The following GRM8 variants were observed in gnomAD, a reference collection of about 807,000 sequenced individuals.
GRM8 encodes the protein glutamate metabotropic receptor 8.
A neutral mutation model predicts 87.2 loss-of-function variants in GRM8; 47 were observed. The observed-to-expected ratio is 0.54, with a 90% confidence interval of 0.43 to 0.69. The LOEUF is 0.69. Ranked by LOEUF, GRM8 falls within the 30% of genes least tolerant of loss-of-function variation. The pLI is 0.00. For synonymous variants in GRM8, 396 were observed against 404.5 expected (o/e 0.98, Z 0.25); for missense variants, 1,019 against 1,139.2 (o/e 0.89, Z 1.52).
At chr7:126,507,608 T>G (rs550724231) in intron 9 of GRM8, among the ~76,000 whole-genome samples, 1 of 152,106 alleles carries the variant, frequency 6.6e-6, no homozygotes, top group African/African-American at 2.4e-5. Context: ...TTACTGGTAC[T>G]TTTTTCTGTC....
intron 3 of GRM8, among the ~76,000 whole-genome samples, chr7:126,953,227 CG>C (rs1159520953): frequency 1.3e-5 from 2 of 151,994 alleles, no homozygotes; most frequent in Non-Finnish European, 2.9e-5. Flanking sequence ...AAAATTATAC[CG>C]GGGAAACCAC....
intron 3 of GRM8, among the ~76,000 whole-genome samples, chr7:127,081,209 C>G (rs1049932252): frequency 6.6e-6 from 1 of 152,154 alleles, no homozygotes; most frequent in Non-Finnish European, 1.5e-5. Context: ...TTTCCCCCAC[C>G]TGCCTCCACC....
chr7:126,629,488 G>A (rs1382011338), intron 7 of GRM8, among the ~76,000 whole-genome samples: 1 of 151,884 alleles, frequency 6.6e-6, no homozygotes, highest in East Asian at 1.9e-4. Flanking sequence ...GTTTGAATAA[G>A]GTATAGTCTT....
chr7:126,540,673 A>C (rs1272720358), intron 8 of GRM8, among the ~76,000 whole-genome samples: 1 of 152,204 alleles, frequency 6.6e-6, no homozygotes, highest in Admixed American at 6.5e-5. Flanking sequence ...AAATGAAAGC[A>C]GCTAATCACA....
At chr7:127,089,349 C>G (rs1258429455) in intron 3 of GRM8, among the ~76,000 whole-genome samples, 2 of 152,174 alleles carry the variant, frequency 1.3e-5, no homozygotes, top group African/African-American at 2.4e-5. Flanking sequence ...CTGCCTACAC[C>G]TTGATTTTGG....
intron 2 of GRM8, among the ~76,000 whole-genome samples, chr7:127,213,627 C>T (rs1796351364): frequency 1.3e-5 from 2 of 152,168 alleles, no homozygotes; most frequent in South Asian, 4.1e-4. Context: ...ATCTCCTTTT[C>T]TATCCTTTTG....
At chr7:126,572,034 C>T (rs1794733352) in intron 8 of GRM8, among the ~76,000 whole-genome samples, 2 of 152,140 alleles carry the variant, frequency 1.3e-5, no homozygotes, top group South Asian at 2.1e-4. Flanking sequence ...AGCCACCACA[C>T]CTGGCCCCAG....
At chr7:126,732,107 T>C (rs1239677170) in intron 7 of GRM8, among the ~76,000 whole-genome samples, 1 of 152,088 alleles carries the variant, frequency 6.6e-6, no homozygotes, top group African/African-American at 2.4e-5. Context: ...TTATTTCTTG[T>C]ATACAGTCAT....
chr7:126,989,831 G>A (rs1042680387), intron 3 of GRM8, among the ~76,000 whole-genome samples: 4 of 152,032 alleles, frequency 2.6e-5, no homozygotes, highest in East Asian at 1.9e-4. Context: ...GCATGGTGGT[G>A]CGTGCCTGTG....
In GRM8 at chr7:126,703,796, A is replaced by C. The variant is rs553920673; in HGVS notation, c.1357+66069T>G. The stretch of plus-strand genomic sequence containing the variant: ...AGTCTGGTCTCAAACTCTTGGGCTC[A>C]AGCAATCCTCCAGCCTTGGCCCCCC... On this transcript the variant is annotated intron_variant, in intron 7 of 10. Transcript: ENST00000339582. 3.3e-5 allele frequency among the ~76,000 whole-genome samples: 5 copies of C among 152,262 alleles called. No individual in the cohort carries two copies. In the South Asian group the frequency reaches 1.0e-3, roughly 32 times the overall value.
chr7:126,946,136 G>A (rs940022094), intron 3 of GRM8, among the ~76,000 whole-genome samples: 2 of 152,198 alleles, frequency 1.3e-5, no homozygotes, highest in African/African-American at 2.4e-5. Context: ...CAACTACAAG[G>A]TTAGGTCTCA....
chr7:126,875,396 C>A (rs1381721084), intron 6 of GRM8, among the ~76,000 whole-genome samples: 1 of 151,964 alleles, frequency 6.6e-6, no homozygotes, highest in African/African-American at 2.4e-5. Flanking sequence ...TTTGGGATAC[C>A]CACAGAAGGG....
chr7:127,116,569 C>T (rs1308392439), intron 2 of GRM8, among the ~76,000 whole-genome samples: 4 of 152,126 alleles, frequency 2.6e-5, no homozygotes, highest in African/African-American at 9.7e-5. Context: ...ATGAACCTGC[C>T]GCTAAGAGTT....
intron 3 of GRM8, among the ~76,000 whole-genome samples, chr7:127,002,576 C>T (rs538220404): frequency 2.0e-5 from 3 of 151,708 alleles, no homozygotes; most frequent in South Asian, 2.1e-4. Context: ...GGCTAGCTCT[C>T]GAAGTATAAT....
intron 9 of GRM8, among the ~76,000 whole-genome samples, chr7:126,521,889 A>C (rs1813037402): frequency 6.6e-6 from 1 of 152,164 alleles, no homozygotes; most frequent in Non-Finnish European, 1.5e-5. Flanking sequence ...ATTATTTAGC[A>C]GATTTGTTTA....
chr7:127,162,696 T>A (rs1326919039), intron 2 of GRM8, among the ~76,000 whole-genome samples: 5 of 152,194 alleles, frequency 3.3e-5, no homozygotes, highest in African/African-American at 4.8e-5. Flanking sequence ...TACTGGAGGC[T>A]TGTCTTAAAT....
chr7:127,244,642 C>G (rs1376736971), intron 1 of GRM8, among the ~76,000 whole-genome samples: 1 of 152,174 alleles, frequency 6.6e-6, no homozygotes, highest in Non-Finnish European at 1.5e-5. Flanking sequence ...GGACAGTTCT[C>G]CTGTACCCTA....
intron 6 of GRM8, among the ~76,000 whole-genome samples, chr7:126,806,408 C>T (rs964037918): frequency 2.6e-5 from 4 of 152,214 alleles, no homozygotes; most frequent in African/African-American, 4.8e-5. Context: ...TTGCAAAGAG[C>T]GAAAGAACAA....
At chr7:126,459,659 T>C (rs1803668896) in intron 9 of GRM8, among the ~76,000 whole-genome samples, 1 of 151,506 alleles carries the variant, frequency 6.6e-6, no homozygotes, top group South Asian at 2.1e-4. Flanking sequence ...CCCAACGTGC[T>C]GAAAAAACTA....
Sources: gnomAD v4.1 joint callset for allele counts (sites outside exome capture counted in the v4.1 genomes callset) on GRCh38, gnomAD v4.1.1 for gene constraint, MANE v1.5 for transcripts, NCBI Gene and HGNC (gene_info 2026-07-23, HGNC 2026-07-21) for gene names.